Variants in GPHN observed in about 807,000 individuals in gnomAD.
GPHN encodes the protein gephyrin.
In GPHN, 17 loss-of-function variants were observed where a neutral mutation model predicts 95.5. That is an observed-to-expected ratio of 0.18 (90% CI 0.12 to 0.27). The LOEUF is 0.27. GPHN is among the 10% of genes least tolerant of loss of function. The pLI, the probability that GPHN is intolerant of heterozygous loss-of-function variation, is 1.00. For synonymous variants in GPHN, 320 were observed against 322.5 expected, an observed-to-expected ratio of 0.99 and a Z score of 0.08; for missense variants, 660 against 978.1, an observed-to-expected ratio of 0.67 and a Z score of 4.34.
At chr14:66,886,377 A>C (rs1460885271) in intron 5 of GPHN, among the ~76,000 whole-genome samples, 1 of 152,172 alleles carries the variant, frequency 6.6e-6, no homozygotes, top group East Asian at 1.9e-4. Context: ...AGACTAGAAA[A>C]TACTTTTCCC....
At chr14:67,216,846 G>A in the GPHN span, among the ~76,000 whole-genome samples, 1 of 152,104 alleles carries the variant, frequency 6.6e-6, no homozygotes, top group African/African-American at 2.4e-5. Flanking sequence ...GTCAATCCTG[G>A]AGAATATTCC....
At chr14:66,566,599 A>C (rs903904552) in intron 1 of GPHN, among the ~76,000 whole-genome samples, 1 of 152,170 alleles carries the variant, frequency 6.6e-6, no homozygotes, top group African/African-American at 2.4e-5. Context: ...AGGCTCCTTG[A>C]GGGACAGAAT....
the GPHN span, among the ~76,000 whole-genome samples, chr14:67,194,123 G>A: frequency 6.6e-6 from 1 of 151,960 alleles, no homozygotes; most frequent in African/African-American, 2.4e-5. Flanking sequence ...AGCACTTTGG[G>A]AGGCCGAGGT....
chr14:67,465,720 G>A, the GPHN span, among the ~76,000 whole-genome samples: 7 of 152,192 alleles, frequency 4.6e-5, no homozygotes, highest in East Asian at 1.9e-4. Context: ...ATGTAGCCAC[G>A]TCCAAGCCCC....
the GPHN span, chr14:67,676,724 A>G: frequency 5.3e-5 from 8 of 152,262 alleles, no homozygotes; most frequent in African/African-American, 1.9e-4. Context: ...ATTACACTGT[A>G]GCTAGACTCT....
chr14:66,508,556 A>G lies in GPHN; in HGVS notation c.29A>G (p.Asn10Ser). The change falls in exon 1 of 23, where the codon AAC becomes AGC. Residue 10 changes from asparagine (N) to serine (S), a missense_variant. Transcript: ENST00000478722. MATEGMILT[N>S]HDHQIRVGVL... ...GCGACCGAGGGAATGATCCTTACTA[A>G]CCACGACCATCAAATCCGTGTCGGA... The G allele has an allele frequency of 6.2e-7, 1 of 1,613,898 alleles. No homozygotes were observed. Among genetic ancestry groups the G allele is most frequent in the Non-Finnish European group, 8.5e-7 (1 of 1,179,856 alleles).
intron 9 of GPHN, among the ~76,000 whole-genome samples, chr14:66,983,018 G>A (rs2070780396): frequency 6.6e-6 from 1 of 152,072 alleles, no homozygotes; most frequent in Non-Finnish European, 1.5e-5. Flanking sequence ...TTGGGAGGCC[G>A]AGGCAGGCGG....
chr14:67,115,871 C>T (rs2078659217), intron 16 of GPHN, among the ~76,000 whole-genome samples: 2 of 152,300 alleles, frequency 1.3e-5, no homozygotes, highest in African/African-American at 2.4e-5. Context: ...CTAAAACTTG[C>T]CCCAGTATTT....
intron 8 of GPHN, among the ~76,000 whole-genome samples, chr14:66,956,251 C>G (rs1451712012): frequency 6.6e-6 from 1 of 152,134 alleles, no homozygotes; most frequent in East Asian, 1.9e-4. Flanking sequence ...CACTGTTTCT[C>G]TGCATCACTT....
chr14:67,199,600 G>A, the GPHN span: 1 of 1,590,470 alleles, frequency 6.3e-7, no homozygotes, highest in Non-Finnish European at 8.6e-7. Context: ...CCTTCGAGAA[G>A]GACTCCAAGG....
chr14:67,272,052 A>G, the GPHN span: 2 of 144,012 alleles, frequency 1.4e-5, no homozygotes, highest in African/African-American at 5.6e-5. Flanking sequence ...ACTGGACGAC[A>G]GAGTCTCAAA....
chr14:66,557,009 C>G (rs542959444), intron 1 of GPHN, among the ~76,000 whole-genome samples: 1 of 151,820 alleles, frequency 6.6e-6, no homozygotes, highest in African/African-American at 2.4e-5. Context: ...ACCTGCTTGG[C>G]CAAGATGACA....
At chr14:67,725,027 C>T in the GPHN span, 2 of 1,546,248 alleles carry the variant, frequency 1.3e-6, no homozygotes, top group Non-Finnish European at 1.8e-6. Context: ...CCCCCAGTCC[C>T]AAGCTCACTT....
intron 11 of GPHN, among the ~76,000 whole-genome samples, chr14:67,078,254 C>G (rs1222790704): frequency 6.6e-6 from 1 of 152,098 alleles, no homozygotes; most frequent in East Asian, 1.9e-4. Context: ...GGAAAGCCAT[C>G]TTTTGCTTAT....
At chr14:67,432,962 G>A in the GPHN span, among the ~76,000 whole-genome samples, 1 of 152,186 alleles carries the variant, frequency 6.6e-6, no homozygotes, top group Non-Finnish European at 1.5e-5. Flanking sequence ...TATGTCTGCA[G>A]AGACCCTGTT....
chr14:67,167,112 A>G (rs1290059476), intron 20 of GPHN, among the ~76,000 whole-genome samples: 1 of 152,210 alleles, frequency 6.6e-6, no homozygotes, highest in Non-Finnish European at 1.5e-5. Flanking sequence ...TGCTAGAGTG[A>G]CACATGCTCA....
chr14:66,653,139 C>A (rs187948733), intron 1 of GPHN, among the ~76,000 whole-genome samples: 1 of 152,110 alleles, frequency 6.6e-6, no homozygotes, highest in Non-Finnish European at 1.5e-5. Flanking sequence ...GTGTTCCCAG[C>A]ATCCTCCCTC....
At chr14:66,874,475 GTTCTAACCCAA>G (rs1449978888) in intron 4 of GPHN, among the ~76,000 whole-genome samples, 1 of 152,112 alleles carries the variant, frequency 6.6e-6, no homozygotes, top group Non-Finnish European at 1.5e-5. Flanking sequence ...AAAGGAGCAT[GTTCTAACCCAA>G]TGAAAGGAAG....
the GPHN span, among the ~76,000 whole-genome samples, chr14:67,659,264 A>C: frequency 2.0e-5 from 3 of 152,196 alleles, no homozygotes; most frequent in African/African-American, 7.2e-5. Context: ...TCTTGACATT[A>C]AGGTAAAGGA....
Sources: gnomAD v4.1 joint callset for allele counts (sites outside exome capture counted in the v4.1 genomes callset) on GRCh38, gnomAD v4.1.1 for gene constraint, MANE v1.5 for transcripts, NCBI Gene and HGNC (gene_info 2026-07-23, HGNC 2026-07-21) for gene names.